The following DGKB variants were observed in gnomAD, a reference collection of about 807,000 sequenced individuals.
DGKB encodes the protein diacylglycerol kinase beta.
DGKB carries 67 observed loss-of-function variants against 114.3 expected under a neutral mutation model. That is an observed-to-expected ratio of 0.59 (90% CI 0.48 to 0.72). DGKB has a LOEUF of 0.72. Among genes scored for constraint, DGKB ranks in the 30% least tolerant of loss-of-function variants. The probability of loss-of-function intolerance (pLI) is 0.00; values close to 1 mark genes in which losing one functional copy is unlikely to be tolerated. For missense variants in DGKB, 907 were observed against 975.2 expected, an observed-to-expected ratio of 0.93 and a Z score of 0.93; for synonymous variants, 398 against 323.1, an observed-to-expected ratio of 1.23 and a Z score of -2.49.
At chr7:14,596,999 A>G (rs1364449187) in intron 17 of DGKB, among the ~76,000 whole-genome samples, 1 of 152,212 alleles carries the variant, frequency 6.6e-6, no homozygotes, top group Non-Finnish European at 1.5e-5. Context: ...GAGACACTGA[A>G]GTTGAAGATT....
chr7:14,904,174 T>G (rs1251265561), upstream of DGKB, among the ~76,000 whole-genome samples: 1 of 152,154 alleles, frequency 6.6e-6, no homozygotes, highest in Non-Finnish European at 1.5e-5. Context: ...CTGTCTTCAC[T>G]TTCTTGTTCT....
intron 1 of DGKB, among the ~76,000 whole-genome samples, chr7:14,908,564 GT>G (rs1335324038): frequency 6.6e-6 from 1 of 152,122 alleles, no homozygotes; most frequent in Non-Finnish European, 1.5e-5. Flanking sequence ...GATTAAATCT[GT>G]TTATATTGTT....
chr7:14,963,801 G>C (rs1787000454), intron 1 of DGKB, among the ~76,000 whole-genome samples: 1 of 152,020 alleles, frequency 6.6e-6, no homozygotes, highest in Non-Finnish European at 1.5e-5. Flanking sequence ...TGTAGTAGGT[G>C]GGAGATTTGC....
In DGKB at chr7:14,449,228, A is replaced by AT. The variant is rs528284389; in HGVS notation, c.1835+28932dup. On this transcript the variant is annotated intron_variant, in intron 21 of 25. Transcript: ENST00000402815. Reference sequence around the variant, plus strand: ...AATTTTTCCTAATTAGGGAATTATTATTTTTTGTTGATGAGCAATAGCCGA... The same window carrying AT: ...AATTTTTCCTAATTAGGGAATTATTATTTTTTTGTTGATGAGCAATAGCCGA... 5.5e-4 allele frequency among the ~76,000 whole-genome samples: 84 copies of AT among 152,208 alleles called. No individual in the cohort carries two copies. The East Asian group carries it at 9.5e-3, about 17-fold the overall frequency.
chr7:14,821,296 C>T (rs1463397842), intron 2 of DGKB, among the ~76,000 whole-genome samples: 1 of 152,092 alleles, frequency 6.6e-6, no homozygotes, highest in Admixed American at 6.6e-5. Context: ...CATGTTTATA[C>T]ATTGGATACA....
At chr7:14,589,165 A>G (rs1300121413) in intron 17 of DGKB, among the ~76,000 whole-genome samples, 1 of 152,010 alleles carries the variant, frequency 6.6e-6, no homozygotes, top group African/African-American at 2.4e-5. Context: ...TTAAACATTT[A>G]AAAATTATGT....
intron 25 of DGKB, among the ~76,000 whole-genome samples, chr7:14,156,457 T>C (rs1038853719): frequency 6.6e-5 from 10 of 152,140 alleles, no homozygotes. Context: ...TATATGTAAA[T>C]AAATTAATGT....
intron 21 of DGKB, among the ~76,000 whole-genome samples, chr7:14,422,758 T>C (rs1000473260): frequency 7.2e-5 from 11 of 151,962 alleles, no homozygotes; most frequent in Non-Finnish European, 1.0e-4. Context: ...GAAGGTAGAA[T>C]AGTGAATAGA....
At chr7:14,357,722 C>T (rs1284263037) in intron 21 of DGKB, among the ~76,000 whole-genome samples, 1 of 152,134 alleles carries the variant, frequency 6.6e-6, no homozygotes, top group Non-Finnish European at 1.5e-5. Context: ...CATGTTTTTG[C>T]AGTGGCTGAT....
At chr7:14,919,467 C>T (rs924759784) in intron 1 of DGKB, among the ~76,000 whole-genome samples, 2 of 152,136 alleles carry the variant, frequency 1.3e-5, no homozygotes, top group Non-Finnish European at 2.9e-5. Context: ...AGAGACCTTA[C>T]ATGTTTCACA....
chr7:14,364,428 A>G (rs1482871829), intron 21 of DGKB, among the ~76,000 whole-genome samples: 3 of 151,908 alleles, frequency 2.0e-5, no homozygotes, highest in Non-Finnish European at 4.4e-5. Context: ...GAAAGGAAGG[A>G]AGGAAGGAAG....
chr7:14,628,878 A>G (rs936865552), intron 14 of DGKB, among the ~76,000 whole-genome samples: 4 of 152,148 alleles, frequency 2.6e-5, no homozygotes, highest in Non-Finnish European at 4.4e-5. Context: ...AGTGCCAGAA[A>G]AAAATAACTA....
chr7:14,403,215 T>TA lies in DGKB; in HGVS notation c.1836-57825dup, dbSNP rs772317923. Among the ~76,000 whole-genome samples, 598 of 147,166 alleles carry TA rather than the reference T, an allele frequency of 4.1e-3. 2 individuals are homozygous for TA. The highest frequency in any genetic ancestry group is 0.013 in the African/African-American group (541 of 40,290). ...TGAACACAGACTCTCTCTTTTAATT[T>TA]AAAAAAAAAAGCCTGATATTCTGGA... On this transcript the variant is annotated intron_variant, in intron 21 of 25. Coordinates refer to ENST00000402815, the MANE Select transcript of DGKB (RefSeq NM_001350709.2).
chr7:14,345,496 GA>G, intron 21 of DGKB, 105 bp from the exon 22 acceptor site: 1 of 592,284 alleles, frequency 1.7e-6, no homozygotes, highest in Non-Finnish European at 3.0e-6. Flanking sequence ...AAGGTCTGAG[GA>G]CATGTGACAT....
intron 6 of DGKB, among the ~76,000 whole-genome samples, chr7:14,717,764 T>C (rs566713820): frequency 2.6e-5 from 4 of 152,218 alleles, no homozygotes; most frequent in African/African-American, 9.6e-5. Context: ...TCTTATATAA[T>C]CAAATTTATC....
chr7:14,692,400 G>A (rs1296778895), intron 9 of DGKB, among the ~76,000 whole-genome samples: 1 of 151,672 alleles, frequency 6.6e-6, no homozygotes, highest in Non-Finnish European at 1.5e-5. Context: ...CATTATTATT[G>A]GAATTTCCTG....
intron 25 of DGKB, among the ~76,000 whole-genome samples, chr7:14,175,761 C>T (rs1584255887): frequency 6.6e-6 from 1 of 152,092 alleles, no homozygotes; most frequent in South Asian, 2.1e-4. Context: ...AAACTCTTAC[C>T]ATTCTCCCCT....
intron 1 of DGKB, among the ~76,000 whole-genome samples, chr7:14,878,935 A>G (rs555596188): frequency 2.6e-4 from 40 of 152,118 alleles, no homozygotes; most frequent in East Asian, 1.7e-3. Flanking sequence ...ATTCTACTTC[A>G]TATCAAAAGT....
intron 21 of DGKB, among the ~76,000 whole-genome samples, chr7:14,387,568 A>G (rs975120584): frequency 1.1e-4 from 16 of 152,080 alleles, no homozygotes; most frequent in African/African-American, 3.9e-4. Context: ...CTGTGCCAAC[A>G]TGCTCAGCTA....
Sources: gnomAD v4.1 joint callset for allele counts (sites outside exome capture counted in the v4.1 genomes callset) on GRCh38, gnomAD v4.1.1 for gene constraint, MANE v1.5 for transcripts, NCBI Gene and HGNC (gene_info 2026-07-23, HGNC 2026-07-21) for gene names.